The following ANO10 variants were observed in gnomAD, a reference collection of about 807,000 sequenced individuals.
The protein encoded by ANO10 is anoctamin 10, also known as anoctamin-10.
Under a neutral mutation model 74.7 loss-of-function variants are expected in ANO10, and 77 were observed. That is an observed-to-expected ratio of 1.03 (90% CI 0.86 to 1.25). The LOEUF is 1.25. Among genes scored for constraint, ANO10 ranks in the 50% most tolerant of loss-of-function variants. ANO10 has a pLI of 0.00. For synonymous variants in ANO10, 279 were observed against 284.9 expected, an observed-to-expected ratio of 0.98 and a Z score of 0.21; for missense variants, 721 against 778.1, an observed-to-expected ratio of 0.93 and a Z score of 0.87.
intron 7 of ANO10, among the ~76,000 whole-genome samples, chr3:43,570,118 A>G (rs1253111251): frequency 8.3e-5 from 12 of 144,710 alleles, no homozygotes; most frequent in African/African-American, 2.0e-4. Context: ...TAGGAATCCA[A>G]CTTACAAGGG....
chr3:43,544,431 A>G (rs1293644533), intron 11 of ANO10, among the ~76,000 whole-genome samples: 2 of 152,070 alleles, frequency 1.3e-5, no homozygotes, highest in African/African-American at 4.8e-5. Context: ...CACAGTTCTC[A>G]TAATACAGCA....
At chr3:43,690,983 G>A (rs775961274) in intron 1 of ANO10, 7 of 1,571,132 alleles carry the variant, frequency 4.5e-6, no homozygotes, top group Non-Finnish European at 5.2e-6. Flanking sequence ...GCGCTTGCGC[G>A]GCGGCGGCTA....
chr3:43,389,561 A>C (rs1415610945), intron 12 of ANO10, among the ~76,000 whole-genome samples: 1 of 152,232 alleles, frequency 6.6e-6, no homozygotes, highest in Non-Finnish European at 1.5e-5. Flanking sequence ...ACAAGCTTGC[A>C]CCAAATAAAT....
At chr3:43,427,542 A>G (rs2092916755) in intron 12 of ANO10, among the ~76,000 whole-genome samples, 2 of 152,354 alleles carry the variant, frequency 1.3e-5, no homozygotes, top group Admixed American at 6.5e-5. Flanking sequence ...TCCATAAGTA[A>G]TAATTTCTAC....
intron 11 of ANO10, among the ~76,000 whole-genome samples, chr3:43,477,797 A>G (rs770695255): frequency 1.3e-5 from 2 of 152,182 alleles, no homozygotes; most frequent in Non-Finnish European, 2.9e-5. Flanking sequence ...TAATCTTAAC[A>G]TAGAAGGTGC....
chr3:43,608,126 C>T (rs1252638760), intron 1 of ANO10, among the ~76,000 whole-genome samples: 2 of 151,906 alleles, frequency 1.3e-5, no homozygotes, highest in African/African-American at 4.8e-5. Flanking sequence ...TATATACCTC[C>T]ATCAAGATAA....
intron 4 of ANO10, among the ~76,000 whole-genome samples, chr3:43,581,932 A>T (rs2081280726): frequency 6.6e-6 from 1 of 151,852 alleles, no homozygotes; most frequent in African/African-American, 2.4e-5. Context: ...TCTCGAAAAA[A>T]AAAAAGAAAA....
At chr3:43,444,177 T>C (rs1420893591) in intron 11 of ANO10, among the ~76,000 whole-genome samples, 1 of 152,196 alleles carries the variant, frequency 6.6e-6, no homozygotes, top group East Asian at 1.9e-4. Context: ...GGACACTGAA[T>C]GATGGGGTTG....
chr3:43,662,834 T>C (rs1000660661), intron 1 of ANO10, among the ~76,000 whole-genome samples: 2 of 152,092 alleles, frequency 1.3e-5, no homozygotes, highest in African/African-American at 4.8e-5. Flanking sequence ...CTCCCAAGAC[T>C]AAACCAGGAA....
intron 11 of ANO10, among the ~76,000 whole-genome samples, chr3:43,513,451 G>A (rs1408151114): frequency 6.6e-6 from 1 of 152,130 alleles, no homozygotes; most frequent in Non-Finnish European, 1.5e-5. Context: ...AAAAGTTGTT[G>A]CCAATCATCA....
intron 11 of ANO10, among the ~76,000 whole-genome samples, chr3:43,447,839 AATACTG>A (rs1325141882): frequency 1.3e-5 from 2 of 152,228 alleles, no homozygotes; most frequent in Non-Finnish European, 2.9e-5. Context: ...TTGATGTACC[AATACTG>A]ATACTTTATT....
chr3:43,394,460 T>C (rs1274267572), intron 12 of ANO10, among the ~76,000 whole-genome samples: 1 of 152,190 alleles, frequency 6.6e-6, no homozygotes, highest in East Asian at 1.9e-4. Flanking sequence ...AGGATATTTG[T>C]TTTCCTGGCT....
intron 11 of ANO10, among the ~76,000 whole-genome samples, chr3:43,527,987 G>A (rs1559652151): frequency 6.6e-6 from 1 of 152,042 alleles, no homozygotes; most frequent in African/African-American, 2.4e-5. Context: ...TCGGAAAGAA[G>A]AAAGCAAAAG....
intron 12 of ANO10, among the ~76,000 whole-genome samples, chr3:43,421,666 A>G (rs2092821877): frequency 6.6e-6 from 1 of 152,064 alleles, no homozygotes; most frequent in South Asian, 2.1e-4. Flanking sequence ...CTCTACTATA[A>G]ATATACAGAA....
In ANO10 at chr3:43,568,827, AC is replaced by A. The variant is rs1347428376; in HGVS notation, c.1219-3101del. On this transcript the variant is annotated intron_variant, in intron 7 of 12. Transcript: ENST00000292246. ...AAAAGCTAGCAGAAGGCAAGAAATA[AC>A]TAAAATCAGAGCAGAACTGAAGGAG... is the stretch of plus-strand genomic sequence containing the variant. 5.7e-4 allele frequency among the ~76,000 whole-genome samples: 85 copies of A among 147,980 alleles called. 1 individual carries two copies. In the South Asian group the frequency reaches 0.018, roughly 31 times the overall value.
chr3:43,474,250 AG>A (rs2075979948), intron 11 of ANO10, among the ~76,000 whole-genome samples: 1 of 122,470 alleles, frequency 8.2e-6, no homozygotes, highest in East Asian at 2.8e-4. Context: ...TTTTCACATT[AG>A]AAGATTGTCA....
chr3:43,490,750 T>C (rs759737329), intron 11 of ANO10, among the ~76,000 whole-genome samples: 7 of 152,120 alleles, frequency 4.6e-5, no homozygotes, highest in Non-Finnish European at 8.8e-5. Context: ...TTTGTTACAG[T>C]AGGTAGTTAG....
At chr3:43,428,898 GA>G (rs1024798336) in intron 12 of ANO10, among the ~76,000 whole-genome samples, 6 of 141,138 alleles carry the variant, frequency 4.3e-5, no homozygotes, top group African/African-American at 7.8e-5. Context: ...TCAAAAATCT[GA>G]AAAAAAAAAT....
chr3:43,502,763 T>C (rs1213864284), intron 11 of ANO10, among the ~76,000 whole-genome samples: 1 of 152,170 alleles, frequency 6.6e-6, no homozygotes, highest in Non-Finnish European at 1.5e-5. Context: ...CCTTAAAAAC[T>C]AAGGGAATTC....
Sources: gnomAD v4.1 joint callset for allele counts (sites outside exome capture counted in the v4.1 genomes callset) on GRCh38, gnomAD v4.1.1 for gene constraint, MANE v1.5 for transcripts, NCBI Gene and HGNC (gene_info 2026-07-23, HGNC 2026-07-21) for gene names.